Variants in PRKG1 observed in about 807,000 individuals in gnomAD.
PRKG1 encodes protein kinase cGMP-dependent 1.
In PRKG1, 35 loss-of-function variants were observed where a neutral mutation model predicts 88.1. The ratio of observed to expected loss-of-function variants is 0.40; its 90% confidence interval spans 0.30 to 0.53. PRKG1 has a LOEUF of 0.53. PRKG1 is among the 20% of genes least tolerant of loss of function. The pLI, the probability that PRKG1 is intolerant of heterozygous loss-of-function variation, is 0.59. For missense variants in PRKG1, 540 were observed against 839.8 expected, an observed-to-expected ratio of 0.64 and a Z score of 4.41; for synonymous variants, 303 against 292.5, an observed-to-expected ratio of 1.04 and a Z score of -0.37.
intron 3 of PRKG1, among the ~76,000 whole-genome samples, chr10:51,776,496 C>T (rs1838439701): frequency 6.6e-6 from 1 of 151,984 alleles, no homozygotes; most frequent in Non-Finnish European, 1.5e-5. Flanking sequence ...AATGACAAAG[C>T]AAGTTAATGA....
intron 2 of PRKG1, among the ~76,000 whole-genome samples, chr10:51,192,533 C>T (rs890636689): frequency 1.3e-5 from 2 of 151,744 alleles, no homozygotes; most frequent in Admixed American, 6.6e-5. Flanking sequence ...ATTTAATGTC[C>T]TACCGAAAGA....
intron 2 of PRKG1, among the ~76,000 whole-genome samples, chr10:51,210,624 CAA>C (rs1376675460): frequency 7.2e-5 from 11 of 151,970 alleles, no homozygotes; most frequent in Admixed American, 7.2e-4. Context: ...TAAAAAATGA[CAA>C]AGGGGTATCA....
intron 7 of PRKG1, among the ~76,000 whole-genome samples, chr10:52,079,414 C>A (rs1460531779): frequency 6.6e-6 from 1 of 152,052 alleles, no homozygotes; most frequent in African/African-American, 2.4e-5. Context: ...TGTGCCTCTT[C>A]CCTAAGAAAA....
intron 2 of PRKG1, among the ~76,000 whole-genome samples, chr10:51,336,943 G>A (rs967894007): frequency 6.6e-5 from 10 of 152,218 alleles, no homozygotes; most frequent in African/African-American, 1.9e-4. Flanking sequence ...AACAGAGCTC[G>A]TATAGCCAAG....
chr10:52,119,446 T>C (rs777827706), intron 7 of PRKG1, among the ~76,000 whole-genome samples: 1 of 152,198 alleles, frequency 6.6e-6, no homozygotes, highest in African/African-American at 2.4e-5. Context: ...CAGTCCAGTT[T>C]TGAGGTATTT....
chr10:51,620,088 T>C (rs949884953), intron 3 of PRKG1, among the ~76,000 whole-genome samples: 2 of 152,138 alleles, frequency 1.3e-5, no homozygotes, highest in African/African-American at 4.8e-5. Context: ...TTTTCCCCCT[T>C]ACACCTCAAC....
Position 51,054,244 on chromosome 10 carries a change from A to G in PRKG1, c.266+62600A>G, listed in dbSNP as rs534578071. 3.7e-4 allele frequency among the ~76,000 whole-genome samples: 57 copies of G among 152,260 alleles called. No homozygotes were observed. In the East Asian group the frequency reaches 0.011, roughly 29 times the overall value. Reference sequence around the variant, plus strand: ...TCCATGGAGACTTCTAGCTCTGAGGAATGTGTTCCAATTCTGTTTTTAAAG... The same window carrying G: ...TCCATGGAGACTTCTAGCTCTGAGGGATGTGTTCCAATTCTGTTTTTAAAG... On this transcript the variant is annotated intron_variant, in intron 1 of 17. Transcript: ENST00000401604.
chr10:51,367,193 G>T (rs1345903705), intron 2 of PRKG1, among the ~76,000 whole-genome samples: 1 of 151,904 alleles, frequency 6.6e-6, no homozygotes, highest in African/African-American at 2.4e-5. Context: ...GATTTCAACA[G>T]GGAGGCTTTT....
intron 3 of PRKG1, among the ~76,000 whole-genome samples, chr10:51,784,009 C>A: frequency 6.6e-6 from 1 of 152,102 alleles, no homozygotes; most frequent in East Asian, 1.9e-4. Flanking sequence ...TTGGTTAACT[C>A]TTTCTCCATC....
chr10:52,160,901 C>G (rs1589660856), intron 8 of PRKG1, among the ~76,000 whole-genome samples: 1 of 151,780 alleles, frequency 6.6e-6, no homozygotes, highest in African/African-American at 2.4e-5. Flanking sequence ...TTTGAAAAAC[C>G]TCATTGGAAC....
At chr10:51,106,525 T>G (rs546625291) in intron 1 of PRKG1, among the ~76,000 whole-genome samples, 1 of 152,256 alleles carries the variant, frequency 6.6e-6, no homozygotes, top group Admixed American at 6.5e-5. Context: ...TCTTAAGACA[T>G]CAGCACCTTT....
intron 8 of PRKG1, among the ~76,000 whole-genome samples, chr10:52,144,031 T>C (rs1211486722): frequency 1.3e-5 from 2 of 152,130 alleles, no homozygotes; most frequent in East Asian, 3.9e-4. Flanking sequence ...TGGAGGAATA[T>C]GTTTGGCTGG....
At chr10:51,905,210 G>T (rs188058541) in intron 4 of PRKG1, among the ~76,000 whole-genome samples, 95 of 152,242 alleles carry the variant, frequency 6.2e-4, no homozygotes, top group African/African-American at 2.2e-3. Flanking sequence ...TGCTGAAATA[G>T]ACTGCCTTCT....
At chr10:51,427,649 A>G (rs899616242) in intron 2 of PRKG1, among the ~76,000 whole-genome samples, 14 of 152,206 alleles carry the variant, frequency 9.2e-5, no homozygotes, top group African/African-American at 3.4e-4. Flanking sequence ...CAAGAGCTGC[A>G]TCCTTTTAGG....
At chr10:51,439,714 G>T (rs10823002) in intron 2 of PRKG1, among the ~76,000 whole-genome samples, 38,298 of 151,752 alleles carry the variant, frequency 0.25, 5,697 homozygotes, top group Non-Finnish European at 0.34. Context: ...CTTCTTCGAG[G>T]CCCTCAAGGG....
chr10:51,644,031 T>C (rs1839861160), intron 3 of PRKG1, among the ~76,000 whole-genome samples: 1 of 152,178 alleles, frequency 6.6e-6, no homozygotes, highest in South Asian at 2.1e-4. Context: ...ACTAAAAGCA[T>C]GCCTATCATA....
intron 4 of PRKG1, among the ~76,000 whole-genome samples, chr10:51,818,027 G>C (rs927807705): frequency 1.3e-5 from 2 of 151,904 alleles, no homozygotes; most frequent in African/African-American, 4.8e-5. Flanking sequence ...AGTCCTTTTG[G>C]ACACCTATCT....
intron 8 of PRKG1, 108 bp from the exon 9 acceptor site, chr10:52,161,781 A>T (rs960176568): frequency 2.6e-5 from 23 of 901,480 alleles, no homozygotes; most frequent in Non-Finnish European, 3.5e-5. Flanking sequence ...AAGTGTTTGA[A>T]TTTACTTTTC....
At chr10:51,518,572 G>A (rs945927645) in intron 3 of PRKG1, among the ~76,000 whole-genome samples, 3 of 152,170 alleles carry the variant, frequency 2.0e-5, no homozygotes, top group African/African-American at 7.2e-5. Context: ...TGGAGAGGTA[G>A]CATATAGAGC....
Sources: allele counts gnomAD v4.1 joint callset (sites outside exome capture counted in the v4.1 genomes callset), GRCh38; gene constraint gnomAD v4.1.1; transcripts MANE v1.5; gene names NCBI Gene and HGNC (gene_info 2026-07-23, HGNC 2026-07-21).